Variants in PAM observed in about 807,000 individuals in gnomAD.
The protein encoded by PAM is peptidyl-glycine alpha-amidating monooxygenase.
Under a neutral mutation model 122.1 loss-of-function variants are expected in PAM, and 72 were observed. The observed-to-expected ratio is 0.59, with a 90% CI of 0.49 to 0.72. The LOEUF (loss-of-function observed/expected upper bound fraction) is 0.72. Among genes scored for constraint, PAM ranks in the 30% least tolerant of loss-of-function variants. PAM has a pLI of 0.00. For missense variants in PAM, 1,106 were observed against 1,183.7 expected, an observed-to-expected ratio of 0.93 and a Z score of 0.96; for synonymous variants, 389 against 404.4, an observed-to-expected ratio of 0.96 and a Z score of 0.46.
chr5:103,008,155 TTTC>T (rs1473343600), intron 20 of PAM, among the ~76,000 whole-genome samples: 1 of 151,850 alleles, frequency 6.6e-6, no homozygotes, highest in Non-Finnish European at 1.5e-5. Context: ...CAAAATAGAT[TTTC>T]TTGACTCTAA....
intron 1 of PAM, among the ~76,000 whole-genome samples, chr5:102,781,996 A>C (rs1759070708): frequency 6.6e-6 from 1 of 152,224 alleles, no homozygotes; most frequent in Admixed American, 6.5e-5. Flanking sequence ...GAAAACAGCC[A>C]GTCTGCAGTC....
chr5:102,889,738 G>GGCCCTCCTCCTTAGC (rs2151254373), intron 3 of PAM, among the ~76,000 whole-genome samples: 1 of 151,988 alleles, frequency 6.6e-6, no homozygotes, highest in African/African-American at 2.4e-5. Context: ...CTGGCCAAGT[G>GGCCCTCCTCCTTAGC]GCCCTCCTCC....
rs1026359383 is a variant in PAM at position 102,958,683 on chromosome 5, C to T, written c.906-1192C>T. 5.3e-5 allele frequency among the ~76,000 whole-genome samples: 8 copies of T among 152,256 alleles called. 1 individual carries two copies. In the South Asian group the frequency reaches 8.3e-4, roughly 16 times the overall value. ...AAAGCATAAACAGAGCTTCCCATGG[C>T]AGGGGCTTATTCCTGTGGTCTCTCA... On this transcript the variant is annotated intron_variant, in intron 12 of 25. Transcript: ENST00000438793.
chr5:102,950,414 T>TGG (rs143308359), intron 11 of PAM, among the ~76,000 whole-genome samples: 53 of 149,070 alleles, frequency 3.6e-4, no homozygotes, highest in Admixed American at 7.3e-4. Context: ...TGTATGTGGG[T>TGG]GGGTGTGTGT....
At chr5:102,912,721 C>T (rs1361781900) in intron 4 of PAM, among the ~76,000 whole-genome samples, 1 of 151,920 alleles carries the variant, frequency 6.6e-6, no homozygotes, top group Non-Finnish European at 1.5e-5. Context: ...AATAGAAAAC[C>T]AAGCCTCAAG....
At position 102,974,254 on chromosome 5, in the gene PAM, A is replaced by T. The variant is rs757787164; in HGVS notation, c.1301A>T (p.Asp434Val). The T allele has an allele frequency of 2.8e-5, 46 of 1,614,048 alleles. No homozygotes were observed. The highest frequency in any genetic ancestry group is 3.9e-5 in the Non-Finnish European group (46 of 1,179,958). Residue 434 changes from aspartate (D) to valine (V), a missense_variant, in exon 15 of 26, where the codon GAT (aspartate) becomes GTT (valine). By Grantham distance (152) the Asp-to-Val change is radical. This residue lies in a region of PAM where 670 missense variants were observed against 690.3 expected (regional missense o/e 0.97). Coordinates refer to ENST00000438793, the MANE Select transcript of PAM (RefSeq NM_001177306.2). Reference protein sequence around the residue: ...AEIANVVQKKDLGRSDAREGA... With the variant: ...AEIANVVQKKVLGRSDAREGA... ...ATTGCAAATGTAGTCCAAAAAAAGG[A>T]TCTTGGTCGATCTGATGCCAGAGAG...
At position 102,938,553 on chromosome 5, in the gene PAM, C is replaced by T. The variant is rs144201575; in HGVS notation, c.527-8284C>T. ...TAGTTTTTCAGATTTACATTTAGTT[C>T]TTCTAGTTTTTTTGAGAAATCCTTA... On this transcript the variant is annotated intron_variant, in intron 7 of 25. Transcript: ENST00000438793. 4.9e-3 allele frequency among the ~76,000 whole-genome samples: 743 copies of T among 152,126 alleles called. 3 individuals carry two copies. Among genetic ancestry groups the T allele is most frequent in the Middle Eastern group, 0.027 (8 of 294 alleles).
chr5:102,974,055 T>C (rs909147104), intron 14 of PAM, 61 bp from the exon 15 acceptor site: 1 of 1,146,298 alleles, frequency 8.7e-7, no homozygotes. Context: ...AGCACCAAAT[T>C]TTGTAAATTT....
At chr5:102,957,807 C>T (rs1165344802) in intron 12 of PAM, among the ~76,000 whole-genome samples, 1 of 152,176 alleles carries the variant, frequency 6.6e-6, no homozygotes, top group African/African-American at 2.4e-5. Flanking sequence ...GGATTACAGG[C>T]GTGAGCCATC....
chr5:102,821,506 C>T (rs1426379297), intron 1 of PAM, among the ~76,000 whole-genome samples: 3 of 151,974 alleles, frequency 2.0e-5, no homozygotes, highest in Non-Finnish European at 4.4e-5. Flanking sequence ...TTACAAATAC[C>T]CACTTGTACA....
At chr5:102,878,671 C>G (rs1375371546) in intron 3 of PAM, among the ~76,000 whole-genome samples, 1 of 151,764 alleles carries the variant, frequency 6.6e-6, no homozygotes, top group Non-Finnish European at 1.5e-5. Context: ...ATAATCTTGA[C>G]CTGTGCAGGC....
intron 10 of PAM, 139 bp downstream of exon 10, chr5:102,949,756 G>C (rs960105926): frequency 2.9e-6 from 2 of 686,754 alleles, no homozygotes; most frequent in African/African-American, 1.8e-5. Flanking sequence ...ATTTTATGCT[G>C]TTTTATCATA....
chr5:102,793,479 C>A (rs372638298), intron 1 of PAM, among the ~76,000 whole-genome samples: 1 of 152,168 alleles, frequency 6.6e-6, no homozygotes, highest in African/African-American at 2.4e-5. Flanking sequence ...TGCAGTGAGC[C>A]TGATCGCACC....
intron 5 of PAM, among the ~76,000 whole-genome samples, chr5:102,923,139 C>A (rs1748035059): frequency 6.6e-6 from 1 of 152,210 alleles, no homozygotes; most frequent in Admixed American, 6.5e-5. Flanking sequence ...ATCAAGACTT[C>A]CTGGTTCTGG....
Position 102,777,762 on chromosome 5 carries a change from C to T in PAM, c.-374+22414C>T, listed in dbSNP as rs189251678. On this transcript the variant is annotated intron_variant, in intron 1 of 25. Transcript: ENST00000438793. The stretch of plus-strand genomic sequence containing the variant: ...TCTGTAGAGGTATTTTATTTCCCCC[C>T]AGAAATAGACAGCATATTGGCTTAA... Among the ~76,000 whole-genome samples the T allele has an allele frequency of 2.6e-3, 398 of 152,194 alleles. 2 individuals are homozygous for T. The highest frequency in any genetic ancestry group is 9.1e-3 in the African/African-American group (377 of 41,526).
intron 25 of PAM, 36 bp from the exon 26 acceptor site, chr5:103,028,851 C>T (rs757182075): frequency 1.1e-5 from 17 of 1,488,768 alleles, no homozygotes; most frequent in East Asian, 2.3e-5. Context: ...TTGCTGCAAA[C>T]TTTACCCAAT....
chr5:103,005,197 T>A lies in PAM; in HGVS notation c.1774T>A (p.Tyr592Asn), dbSNP rs372446275. The change falls in exon 18 of 26, where the codon TAT becomes AAT. Residue 592 changes from tyrosine (Y) to asparagine (N), a missense_variant. Tyr to Asn is a moderately radical substitution (Grantham distance 143). Around this residue, in one of 3 missense-constraint regions of PAM, gnomAD observed 103 missense variants for 157.9 expected, o/e 0.65. Coordinates refer to ENST00000438793, the MANE Select transcript of PAM (RefSeq NM_001177306.2). ...CTTGAGTATAGATAAAGATGGGAAT[T>A]ATTGGGTCACAGACGTGGCTCTCCA... ...HGLSIDKDGNYWVTDVALHQV... is the reference protein window; with the variant it reads ...HGLSIDKDGNNWVTDVALHQV... 49 of 1,505,950 alleles carry A rather than the reference T, an allele frequency of 3.3e-5. No homozygotes were observed. Among genetic ancestry groups the A allele is most frequent in the Non-Finnish European group, 4.2e-5 (45 of 1,083,374 alleles). 93.3% of individuals were successfully genotyped at this position (1,505,950 alleles called of 1,614,324 possible).
chr5:103,010,145 G>A (rs878979012), intron 21 of PAM, among the ~76,000 whole-genome samples: 1 of 152,080 alleles, frequency 6.6e-6, no homozygotes, highest in Admixed American at 6.5e-5. Context: ...TATGATGGCA[G>A]GTTTTTAAAT....
chr5:102,766,926 A>AGTTTTTTTTTTTTT (rs1754138307), intron 1 of PAM, among the ~76,000 whole-genome samples: 1 of 25,854 alleles, frequency 3.9e-5, no homozygotes, highest in Non-Finnish European at 7.7e-5. Context: ...TCAGTTGTGG[A>AGTTTTTTTTTTTTT]TTTTTTTTTT....
Sources: allele counts gnomAD v4.1 joint callset (sites outside exome capture counted in the v4.1 genomes callset), GRCh38; gene constraint gnomAD v4.1.1; regional missense constraint gnomAD v4.1.1; transcripts MANE v1.5; gene names NCBI Gene and HGNC (gene_info 2026-07-23, HGNC 2026-07-21).